The following CNTN6 variants were observed in gnomAD, a reference collection of about 807,000 sequenced individuals.
The protein encoded by CNTN6 is contactin 6.
Under a neutral mutation model 122.8 loss-of-function variants are expected in CNTN6, and 137 were observed. The ratio of observed to expected loss-of-function variants is 1.12; its 90% CI spans 0.97 to 1.29. The LOEUF (loss-of-function observed/expected upper bound fraction) is 1.29. Among genes scored for constraint, CNTN6 ranks in the 50% most tolerant of loss-of-function variants. The probability of loss-of-function intolerance (pLI) is 0.00; values close to 1 mark genes in which losing one functional copy is unlikely to be tolerated. For missense variants in CNTN6, 1,634 were observed against 1,223.4 expected (o/e 1.34, Z -5.01); for synonymous variants, 570 against 426.0 (o/e 1.34, Z -4.16).
rs1221799067 is a variant in CNTN6, at chr3:1,372,573, G to T, written c.1668+99G>T. 13 of 1,007,670 alleles carry T rather than the reference G, an allele frequency of 1.3e-5. No individual in the cohort carries two copies. The Admixed American group carries it at 3.8e-4, about 29-fold the overall frequency. The allele number at this position is 1,007,670 out of a possible 1,614,324, so 62.4% of individuals were successfully genotyped here. On this transcript the variant is annotated intron_variant, in intron 13 of 22. Coordinates refer to ENST00000446702, the MANE Select transcript of CNTN6 (RefSeq NM_001289080.2). ...TACTCTCTCCATCTTTATTTGCATG[G>T]ATAATCACTGACTGTTTTTGAAGCT... is the stretch of plus-strand genomic sequence containing the variant.
Position 1,384,812 on chromosome 3 carries a change from C to CACACACAT in CNTN6, c.2518-798_2518-797insCACACATA, listed in dbSNP as rs1338541100. Among the ~76,000 whole-genome samples, 11 of 118,500 alleles carry CACACACAT rather than the reference C, an allele frequency of 9.3e-5. 1 individual carries two copies. The highest frequency in any genetic ancestry group is 3.6e-4 in the African/African-American group (11 of 30,786). The allele number at this position is 118,500 out of a possible 152,430, so 77.7% of individuals were successfully genotyped here. A position where few individuals can be genotyped will look rare whatever the true frequency, so the allele number is the denominator to read the frequency against. Reference sequence around the variant, plus strand: ...ATATATATATACACACACACACACACATATATATATATATATATAACCATA... The same window carrying CACACACAT: ...ATATATATATACACACACACACACACACACACATATATATATATATATATATAACCATA... On this transcript the variant is annotated intron_variant, in intron 19 of 22. Coordinates refer to ENST00000446702, the MANE Select transcript of CNTN6 (RefSeq NM_001289080.2).
At chr3:1,107,938 C>T (rs186927385) in intron 1 of CNTN6, among the ~76,000 whole-genome samples, 1 of 152,012 alleles carries the variant, frequency 6.6e-6, no homozygotes, top group Non-Finnish European at 1.5e-5. Context: ...CCAAAAGTTA[C>T]CTCCATCTGA....
At chr3:1,325,141 G>A (rs265784) in intron 8 of CNTN6, among the ~76,000 whole-genome samples, 80,857 of 151,572 alleles carry the variant, frequency 0.53, 22,732 homozygotes, top group East Asian at 0.76. Context: ...TTACTTTCAC[G>A]TCAATTATGC....
intron 9 of CNTN6, among the ~76,000 whole-genome samples, chr3:1,326,703 A>T (rs1199705584): frequency 6.6e-6 from 1 of 151,918 alleles, no homozygotes; most frequent in Non-Finnish European, 1.5e-5. Flanking sequence ...AGCCAGAGAC[A>T]CAAAGAACAT....
intron 1 of CNTN6, among the ~76,000 whole-genome samples, chr3:1,141,421 G>C (rs1470076810): frequency 1.3e-5 from 2 of 152,190 alleles, no homozygotes. Flanking sequence ...ATGATGTCCT[G>C]ATAAACTAAA....
chr3:1,267,396 G>A (rs1461431821), intron 4 of CNTN6, among the ~76,000 whole-genome samples: 2 of 151,948 alleles, frequency 1.3e-5, no homozygotes, highest in Non-Finnish European at 2.9e-5. Context: ...CTGAGCACTG[G>A]TGTGTATATT....
At chr3:1,121,700 C>T (rs575574474) in intron 1 of CNTN6, among the ~76,000 whole-genome samples, 58 of 151,894 alleles carry the variant, frequency 3.8e-4, no homozygotes, top group African/African-American at 1.3e-3. Flanking sequence ...TGTTGCTACA[C>T]AGCCTTCATA....
intron 1 of CNTN6, among the ~76,000 whole-genome samples, chr3:1,106,239 A>T (rs1004750615): frequency 6.6e-6 from 1 of 152,160 alleles, no homozygotes; most frequent in Non-Finnish European, 1.5e-5. Flanking sequence ...AAGGTGTGTG[A>T]TATTTTCTTC....
intron 20 of CNTN6, chr3:1,394,302 C>T (rs78754379): frequency 0.024 from 4,602 of 188,090 alleles, 90 homozygotes; most frequent in South Asian, 0.055. Flanking sequence ...GACGGCCCCC[C>T]GAAACAGGGC....
At chr3:1,217,314 C>A (rs901815899) in intron 2 of CNTN6, among the ~76,000 whole-genome samples, 2 of 152,184 alleles carry the variant, frequency 1.3e-5, no homozygotes, top group African/African-American at 4.8e-5. Flanking sequence ...GAGAAGCAAG[C>A]TCACACATCA....
intron 1 of CNTN6, among the ~76,000 whole-genome samples, chr3:1,116,528 G>C (rs1559342854): frequency 6.6e-6 from 1 of 151,990 alleles, no homozygotes; most frequent in African/African-American, 2.4e-5. Context: ...ATCTTCAGTG[G>C]ACAACATTTG....
At chr3:1,309,655 C>A (rs1698927286) in intron 7 of CNTN6, among the ~76,000 whole-genome samples, 1 of 152,106 alleles carries the variant, frequency 6.6e-6, no homozygotes, top group South Asian at 2.1e-4. Flanking sequence ...ATCATTTTGT[C>A]TATATCCATG....
At chr3:1,197,722 AAC>A (rs1422963359) in intron 2 of CNTN6, among the ~76,000 whole-genome samples, 9 of 152,176 alleles carry the variant, frequency 5.9e-5, no homozygotes, top group Admixed American at 3.9e-4. Flanking sequence ...CCGCTCTCTG[AAC>A]CTTCTTATCT....
chr3:1,261,023 A>G (rs967320454), intron 4 of CNTN6, among the ~76,000 whole-genome samples: 3 of 152,194 alleles, frequency 2.0e-5, no homozygotes, highest in Non-Finnish European at 4.4e-5. Context: ...GTGAAGTATC[A>G]GAGAACTCTA....
At chr3:1,274,959 G>A (rs895692391) in intron 4 of CNTN6, among the ~76,000 whole-genome samples, 10 of 151,874 alleles carry the variant, frequency 6.6e-5, no homozygotes, top group Middle Eastern at 3.4e-3. Flanking sequence ...ACCACCCAAC[G>A]CCCCCACCCA....
At chr3:1,371,257 GAGAGCTAA>G (rs1708970837) in intron 12 of CNTN6, among the ~76,000 whole-genome samples, 1 of 152,058 alleles carries the variant, frequency 6.6e-6, no homozygotes, top group Non-Finnish European at 1.5e-5. Flanking sequence ...CCATTTCTTA[GAGAGCTAA>G]ACTTTATCTT....
At chr3:1,186,406 T>C (rs950481953) in intron 2 of CNTN6, among the ~76,000 whole-genome samples, 3 of 152,060 alleles carry the variant, frequency 2.0e-5, no homozygotes, top group African/African-American at 7.2e-5. Flanking sequence ...GAAAATGACC[T>C]GTTTCCCTTT....
At chr3:1,224,048 C>T (rs2094244848) in intron 3 of CNTN6, among the ~76,000 whole-genome samples, 1 of 152,142 alleles carries the variant, frequency 6.6e-6, no homozygotes, top group Non-Finnish European at 1.5e-5. Flanking sequence ...GGGTCACAGA[C>T]TCAAATTCAG....
At chr3:1,211,360 CT>C (rs746780996) in intron 2 of CNTN6, among the ~76,000 whole-genome samples, 9 of 152,136 alleles carry the variant, frequency 5.9e-5, no homozygotes, top group Non-Finnish European at 1.2e-4. Context: ...TACAGGCTTT[CT>C]AATGTATGTG....
Sources: allele counts gnomAD v4.1 joint callset (sites outside exome capture counted in the v4.1 genomes callset), GRCh38; gene constraint gnomAD v4.1.1; transcripts MANE v1.5; gene names NCBI Gene and HGNC (gene_info 2026-07-23, HGNC 2026-07-21).